The following FNBP4 variants were observed in gnomAD, a reference collection of about 807,000 sequenced individuals.
FNBP4 encodes formin binding protein 4.
FNBP4 carries 34 observed loss-of-function variants against 119.3 expected under a neutral mutation model. That is an observed-to-expected ratio of 0.28 (90% CI 0.22 to 0.38). The LOEUF is 0.38. Ranked by LOEUF, FNBP4 falls within the 10% of genes least tolerant of loss-of-function variation. The probability of loss-of-function intolerance (pLI) is 1.00; values close to 1 mark genes in which losing one functional copy is unlikely to be tolerated. For missense variants in FNBP4, 1,112 were observed against 1,228.9 expected (o/e 0.90, Z 1.42); for synonymous variants, 462 against 430.6 (o/e 1.07, Z -0.90).
chr11:47,752,811 C>G, intron 4 of FNBP4, 105 bp downstream of exon 4: 1 of 923,592 alleles, frequency 1.1e-6, no homozygotes, highest in Non-Finnish European at 1.6e-6. Flanking sequence ...GAGATTCCAT[C>G]TCAAAACAAA....
intron 12 of FNBP4, 155 bp downstream of exon 12, chr11:47,731,219 C>A: frequency 1.5e-6 from 1 of 645,166 alleles, no homozygotes. Flanking sequence ...GATTTCCAAC[C>A]ATAATAACTC....
intron 2 of FNBP4, among the ~76,000 whole-genome samples, chr11:47,760,775 G>A (rs543766492): frequency 9.9e-5 from 15 of 152,176 alleles, no homozygotes; most frequent in East Asian, 5.8e-4. Flanking sequence ...ATGTTGCCAG[G>A]CTGGTCTCGA....
At chr11:47,746,019 G>A (rs1279669876) in intron 7 of FNBP4, 37 bp downstream of exon 7, 1 of 1,530,878 alleles carries the variant, frequency 6.5e-7, no homozygotes, top group Non-Finnish European at 8.8e-7. Context: ...GTAGTACTGA[G>A]GAAAAAACAT....
chr11:47,729,194 TC>T (rs1453929812), intron 12 of FNBP4: 1 of 985,128 alleles, frequency 1.0e-6, no homozygotes, highest in Non-Finnish European at 1.2e-6. Context: ...TCCTTAATTT[TC>T]CCCCCAAAGA....
In FNBP4 at chr11:47,734,083, A is replaced by G; in HGVS notation, c.1628T>C (p.Phe543Ser). 6.2e-7 allele frequency: 1 copy of G among 1,600,258 alleles called. No homozygotes were observed. The highest frequency in any genetic ancestry group is 1.3e-5 in the African/African-American group (1 of 74,230). ...GATGGATTGTCTATTAATGCCTAGA[A>G]ACTCGAATTTACTTGTCAGGGTATT... ...LANTLTSKFE[F>S]LGINRQSISN... The change falls in exon 10 of 17, where the codon TTT (phenylalanine) becomes TCT (serine). Residue 543 changes from phenylalanine (F) to serine (S), a missense_variant. By Grantham distance (155) the Phe-to-Ser change is radical. This residue lies in a region of FNBP4 where 826 missense variants were observed against 988.8 expected (regional missense o/e 0.84). Transcript: ENST00000263773.
chr11:47,746,943 AAAAG>A (rs1378321108), intron 6 of FNBP4, among the ~76,000 whole-genome samples: 3 of 152,212 alleles, frequency 2.0e-5, no homozygotes, highest in Non-Finnish European at 4.4e-5. Flanking sequence ...TCAGGATGTC[AAAAG>A]GCAGACTAGT....
At chr11:47,731,171 T>C in intron 12 of FNBP4, 2 of 454,048 alleles carry the variant, frequency 4.4e-6, no homozygotes, top group Non-Finnish European at 7.4e-6. Flanking sequence ...TCTTTTCACT[T>C]TGGGGCACAG....
In FNBP4 at chr11:47,767,051, C is replaced by G. The variant is rs1036705850; in HGVS notation, c.220+18G>C. The G allele has an allele frequency of 3.3e-6, 5 of 1,520,420 alleles. No homozygotes were observed. The highest frequency in any genetic ancestry group is 2.4e-5 in the South Asian group (2 of 82,704). 94.2% of individuals were successfully genotyped at this position (1,520,420 alleles called of 1,614,324 possible). A position where few individuals can be genotyped will look rare whatever the true frequency, so the allele number is the denominator to read the frequency against. ...GCAAGCCCTGAGCTCGAGTTCAGGT[C>G]CCCCCGCGCACCCTTGCCTTCTGAA... On this transcript the variant is annotated intron_variant, in intron 1 of 16. Transcript: ENST00000263773.
intron 8 of FNBP4, among the ~76,000 whole-genome samples, chr11:47,740,899 TTG>T (rs1173569242): frequency 2.7e-5 from 4 of 150,570 alleles, no homozygotes; most frequent in South Asian, 4.2e-4. Flanking sequence ...CACATTTTTT[TTG>T]TGTGTGTGAT....
In FNBP4 at chr11:47,750,897, G is replaced by C. The variant is rs1345155274; in HGVS notation, c.906+19C>G. 1 of 1,612,412 alleles carries C rather than the reference G, an allele frequency of 6.2e-7. No homozygotes were observed. The highest frequency in any genetic ancestry group is 8.5e-7 in the Non-Finnish European group (1 of 1,179,534). On this transcript the variant is annotated intron_variant, in intron 6 of 16. Transcript: ENST00000263773. The stretch of plus-strand genomic sequence containing the variant: ...ATTAGATCTGAAAATAAACAAATGA[G>C]GTAAGTTTCGACACTGACCTTTTTA...
At chr11:47,748,154 G>A (rs1427425908) in intron 6 of FNBP4, among the ~76,000 whole-genome samples, 18 of 151,912 alleles carry the variant, frequency 1.2e-4, no homozygotes, top group Admixed American at 7.2e-4. Flanking sequence ...CAGGAGAATC[G>A]CTTGAACCCG....
chr11:47,743,343 C>T (rs1428332741), intron 8 of FNBP4, among the ~76,000 whole-genome samples: 9 of 152,006 alleles, frequency 5.9e-5, no homozygotes, highest in Non-Finnish European at 1.0e-4. Flanking sequence ...AATAGCCAGG[C>T]GCGGTGGCAG....
chr11:47,722,431 G>C (rs2097556890), intron 15 of FNBP4, among the ~76,000 whole-genome samples: 1 of 151,850 alleles, frequency 6.6e-6, no homozygotes, highest in African/African-American at 2.4e-5. Flanking sequence ...AGACCCGTCT[G>C]GGTGATGCTG....
chr11:47,744,456 T>C (rs943816738), intron 7 of FNBP4, among the ~76,000 whole-genome samples: 6 of 152,098 alleles, frequency 3.9e-5, no homozygotes, highest in African/African-American at 1.4e-4. Flanking sequence ...TAAGAGATGA[T>C]ATCTGGGTAT....
At chr11:47,762,815 A>G (rs1157488721) in intron 2 of FNBP4, among the ~76,000 whole-genome samples, 1 of 150,680 alleles carries the variant, frequency 6.6e-6, no homozygotes, top group Admixed American at 6.7e-5. Context: ...AAGGCTGAGG[A>G]AGGAGAATCG....
chr11:47,748,800 C>A (rs552035135), intron 6 of FNBP4, among the ~76,000 whole-genome samples: 2 of 151,946 alleles, frequency 1.3e-5, no homozygotes, highest in Non-Finnish European at 2.9e-5. Context: ...CAAGCATGTG[C>A]CACTACACCC....
intron 8 of FNBP4, 100 bp from the exon 9 acceptor site, chr11:47,736,840 CTT>C: frequency 9.3e-7 from 1 of 1,075,062 alleles, no homozygotes; most frequent in South Asian, 1.4e-5. Context: ...ATTATTAGTT[CTT>C]TCTCTCTTGC....
Position 47,744,221 on chromosome 11 carries a change from C to A in FNBP4, c.1246-58G>T. ...TTAACTGCTTATTAATATGTATAATCAGAATAATAAACAAGACTATGTTGT... is the reference window on the plus strand; with the variant it reads ...TTAACTGCTTATTAATATGTATAATAAGAATAATAAACAAGACTATGTTGT... On this transcript the variant is annotated intron_variant, in intron 7 of 16. Coordinates refer to ENST00000263773, the MANE Select transcript of FNBP4 (RefSeq NM_015308.5). 7.2e-7 allele frequency: 1 copy of A among 1,390,186 alleles called. No individual in the cohort carries two copies. The highest frequency in any genetic ancestry group is 1.2e-5 in the South Asian group (1 of 83,218). 86.1% of individuals were successfully genotyped at this position (1,390,186 alleles called of 1,614,324 possible).
In FNBP4 at chr11:47,747,044, AT is replaced by A. The variant is rs557745592; in HGVS notation, c.907-651del. The stretch of plus-strand genomic sequence containing the variant: ...TTTACCTTCTTCTGTATGATGAGAA[AT>A]TTTTTTTTTTGAGAGAGTCTCACTC... On this transcript the variant is annotated intron_variant, in intron 6 of 16. Coordinates refer to ENST00000263773, the MANE Select transcript of FNBP4 (RefSeq NM_015308.5). Among the ~76,000 whole-genome samples, 793 of 148,616 alleles carry A rather than the reference AT, an allele frequency of 5.3e-3. 5 individuals are homozygous for A. Among genetic ancestry groups the A allele is most frequent in the South Asian group, 9.4e-3 (44 of 4,666 alleles).
Sources: gnomAD v4.1 joint callset for allele counts (sites outside exome capture counted in the v4.1 genomes callset) on GRCh38, gnomAD v4.1.1 for gene constraint, gnomAD v4.1.1 regional missense constraint, MANE v1.5 for transcripts, NCBI Gene and HGNC (gene_info 2026-07-23, HGNC 2026-07-21) for gene names.